Variants in SERGEF observed in about 807,000 individuals in gnomAD.
SERGEF encodes secretion regulating guanine nucleotide exchange factor, also known as secretion-regulating guanine nucleotide exchange factor.
SERGEF carries 51 observed loss-of-function variants against 50.0 expected under a neutral mutation model. That is an observed-to-expected ratio of 1.02 (90% CI 0.81 to 1.29). The LOEUF (loss-of-function observed/expected upper bound fraction) is 1.29. SERGEF is among the 50% of genes most tolerant of loss of function. The pLI is 0.00. For synonymous variants in SERGEF, 205 were observed against 212.4 expected (o/e 0.97, Z 0.30); for missense variants, 521 against 557.0 (o/e 0.94, Z 0.65).
At chr11:17,912,881 C>A (rs190344389) in intron 9 of SERGEF, among the ~76,000 whole-genome samples, 2 of 152,330 alleles carry the variant, frequency 1.3e-5, no homozygotes, top group Non-Finnish European at 2.9e-5. Context: ...TTTACCCTAT[C>A]CTAGCCCCAG....
At chr11:17,910,992 A>G (rs1041755847) in intron 9 of SERGEF, among the ~76,000 whole-genome samples, 4 of 152,176 alleles carry the variant, frequency 2.6e-5, no homozygotes, top group African/African-American at 9.7e-5. Flanking sequence ...TCAGGGAGGG[A>G]AAATAGTACT....
intron 10 of SERGEF, among the ~76,000 whole-genome samples, chr11:17,877,076 A>G (rs1298130988): frequency 6.6e-6 from 1 of 152,258 alleles, no homozygotes; most frequent in African/African-American, 2.4e-5. Flanking sequence ...GTCCAGCTCA[A>G]TTCAGAAAAG....
In SERGEF at chr11:18,006,747, C is replaced by A. The variant is rs1468900260; in HGVS notation, c.197-1G>T. ...CCACAAACAAAGAGGTCTCCTCCAT[C>A]TGCAAAATATAAAGGCATCAGTGAT... is the stretch of plus-strand genomic sequence containing the variant. On this transcript the variant is annotated splice_acceptor_variant, in intron 2 of 10. Coordinates refer to ENST00000265965, the MANE Select transcript of SERGEF (RefSeq NM_012139.4). LOFTEE classifies it high-confidence loss of function. 6.2e-7 allele frequency: 1 copy of A among 1,614,094 alleles called. No homozygotes were observed. The highest frequency in any genetic ancestry group is 8.5e-7 in the Non-Finnish European group (1 of 1,179,998).
At chr11:17,893,634 C>T (rs889546244) in intron 9 of SERGEF, among the ~76,000 whole-genome samples, 11 of 152,176 alleles carry the variant, frequency 7.2e-5, no homozygotes, top group African/African-American at 2.7e-4. Flanking sequence ...TCCACAGTGG[C>T]TCAGCTCTAT....
At chr11:17,850,878 G>A (rs1411866896) in intron 10 of SERGEF, among the ~76,000 whole-genome samples, 1 of 152,162 alleles carries the variant, frequency 6.6e-6, no homozygotes, top group African/African-American at 2.4e-5. Flanking sequence ...TAAATGGGCT[G>A]GGGGACATTT....
intron 8 of SERGEF, among the ~76,000 whole-genome samples, chr11:17,977,229 A>T (rs1853396362): frequency 6.6e-6 from 1 of 152,202 alleles, no homozygotes; most frequent in African/African-American, 2.4e-5. Flanking sequence ...AAATAAGTAA[A>T]CATATAATGA....
intron 10 of SERGEF, among the ~76,000 whole-genome samples, chr11:17,818,664 C>G (rs1288893585): frequency 1.3e-5 from 2 of 152,172 alleles, no homozygotes; most frequent in African/African-American, 2.4e-5. Context: ...ACAGGTCTCT[C>G]CAGCTCTACT....
At chr11:17,941,849 T>C (rs1171356299) in intron 9 of SERGEF, among the ~76,000 whole-genome samples, 1 of 152,192 alleles carries the variant, frequency 6.6e-6, no homozygotes, top group Non-Finnish European at 1.5e-5. Flanking sequence ...TGGTATCTCA[T>C]TGTGGTTTTG....
intron 8 of SERGEF, among the ~76,000 whole-genome samples, chr11:17,985,776 A>G (rs975347755): frequency 6.6e-6 from 1 of 152,180 alleles, no homozygotes; most frequent in South Asian, 2.1e-4. Context: ...CCATACAGAC[A>G]ATCTATAAAG....
At chr11:17,963,230 A>G (rs913947669) in intron 8 of SERGEF, among the ~76,000 whole-genome samples, 2 of 149,494 alleles carry the variant, frequency 1.3e-5, no homozygotes, top group Non-Finnish European at 3.0e-5. Flanking sequence ...AGAGTGAATA[A>G]GGGTCACAAG....
chr11:17,825,705 T>C (rs1326766297), intron 10 of SERGEF, among the ~76,000 whole-genome samples: 1 of 152,196 alleles, frequency 6.6e-6, no homozygotes, highest in Non-Finnish European at 1.5e-5. Flanking sequence ...CTGTGAGAGA[T>C]CACTTCACTC....
chr11:17,992,572 T>G (rs538270131), intron 7 of SERGEF, among the ~76,000 whole-genome samples: 3 of 152,226 alleles, frequency 2.0e-5, no homozygotes, highest in Admixed American at 2.0e-4. Flanking sequence ...ATATGTTATA[T>G]ATAAATTTAC....
At chr11:17,898,858 C>T (rs1851693538) in intron 9 of SERGEF, among the ~76,000 whole-genome samples, 1 of 152,084 alleles carries the variant, frequency 6.6e-6, no homozygotes, top group African/African-American at 2.4e-5. Flanking sequence ...TTGTAATCCC[C>T]AGTGTTGGAG....
At chr11:17,815,455 A>AAG (rs1849955178) in intron 10 of SERGEF, among the ~76,000 whole-genome samples, 2 of 151,230 alleles carry the variant, frequency 1.3e-5, no homozygotes, top group South Asian at 4.2e-4. Flanking sequence ...AAAAAAAAAA[A>AAG]AATACAAAGA....
chr11:17,934,496 A>G (rs1352154400), intron 9 of SERGEF, among the ~76,000 whole-genome samples: 1 of 152,112 alleles, frequency 6.6e-6, no homozygotes, highest in Admixed American at 6.5e-5. Context: ...ATATCTGACA[A>G]CTCTCCTCTA....
At chr11:17,861,978 A>G (rs1850934810) in intron 10 of SERGEF, among the ~76,000 whole-genome samples, 1 of 152,198 alleles carries the variant, frequency 6.6e-6, no homozygotes, top group African/African-American at 2.4e-5. Context: ...AAATCAAGTC[A>G]TTTCTCTGCT....
intron 10 of SERGEF, among the ~76,000 whole-genome samples, chr11:17,822,034 C>A (rs533019933): frequency 6.6e-6 from 1 of 152,274 alleles, no homozygotes; most frequent in Admixed American, 6.5e-5. Context: ...GACCTATTTC[C>A]AAACTCCCTC....
At chr11:17,853,435 A>G (rs1293308734) in intron 10 of SERGEF, 6 of 152,202 alleles carry the variant, frequency 3.9e-5, no homozygotes, top group Admixed American at 2.0e-4. Context: ...GTTGAGGAAG[A>G]GCACACAGTG....
intron 9 of SERGEF, among the ~76,000 whole-genome samples, chr11:17,915,549 T>A (rs1852033575): frequency 6.6e-6 from 1 of 152,164 alleles, no homozygotes. Context: ...AAAAAACTAT[T>A]CTGAGGACCA....
Sources: gnomAD v4.1 joint callset for allele counts (sites outside exome capture counted in the v4.1 genomes callset) on GRCh38, gnomAD v4.1.1 for gene constraint, MANE v1.5 for transcripts, NCBI Gene and HGNC (gene_info 2026-07-23, HGNC 2026-07-21) for gene names.